Variants in MAD1L1 observed in about 807,000 individuals in gnomAD.
The protein encoded by MAD1L1 is mitotic arrest deficient 1 like 1.
A neutral mutation model predicts 96.9 loss-of-function variants in MAD1L1; 95 were observed. The ratio of observed to expected loss-of-function variants is 0.98; its 90% CI spans 0.83 to 1.16. The LOEUF is 1.16. MAD1L1 is among the 50% of genes most tolerant of loss of function. The pLI is 0.00. For missense variants in MAD1L1, 1,007 were observed against 954.4 expected, an observed-to-expected ratio of 1.06 and a Z score of -0.73; for synonymous variants, 473 against 396.6, an observed-to-expected ratio of 1.19 and a Z score of -2.29.
chr7:1,983,390 G>GC (rs1194354617), intron 14 of MAD1L1, among the ~76,000 whole-genome samples: 1 of 152,202 alleles, frequency 6.6e-6, no homozygotes, highest in African/African-American at 2.4e-5. Context: ...AGCAGCCATG[G>GC]CAATTTTGGG....
chr7:1,934,687 G>A (rs559665062), intron 17 of MAD1L1, among the ~76,000 whole-genome samples: 4 of 148,016 alleles, frequency 2.7e-5, no homozygotes, highest in South Asian at 2.2e-4. Context: ...GGGCGAACCC[G>A]AGACAGGCAG....
At chr7:2,226,057 G>A (rs929511519) in intron 3 of MAD1L1, among the ~76,000 whole-genome samples, 1 of 152,100 alleles carries the variant, frequency 6.6e-6, no homozygotes, top group African/African-American at 2.4e-5. Context: ...AGTCAACCAC[G>A]TCCAATCTCC....
intron 12 of MAD1L1, among the ~76,000 whole-genome samples, chr7:2,037,153 G>A (rs757913341): frequency 1.3e-5 from 2 of 151,556 alleles, no homozygotes; most frequent in Non-Finnish European, 2.9e-5. Flanking sequence ...CGGTTCCAGT[G>A]CCTTCTGCCA....
chr7:2,067,438 C>T (rs536763259), intron 12 of MAD1L1, among the ~76,000 whole-genome samples: 10 of 152,282 alleles, frequency 6.6e-5, no homozygotes, highest in African/African-American at 2.4e-4. Flanking sequence ...TCTGAGCTTC[C>T]AGCATCACGG....
At chr7:1,923,105 GTT>G (rs922116310) in intron 17 of MAD1L1, among the ~76,000 whole-genome samples, 41 of 152,174 alleles carry the variant, frequency 2.7e-4, no homozygotes, top group African/African-American at 9.7e-4. Context: ...TTCTTTAAGT[GTT>G]TGGTAGAATT....
At chr7:1,993,524 T>C (rs1781436688) in intron 14 of MAD1L1, among the ~76,000 whole-genome samples, 1 of 152,242 alleles carries the variant, frequency 6.6e-6, no homozygotes, top group Admixed American at 6.5e-5. Context: ...ACTGTGGCAC[T>C]GGCCCAGATA....
At chr7:1,876,523 A>C (rs1718234122) in intron 18 of MAD1L1, among the ~76,000 whole-genome samples, 1 of 152,052 alleles carries the variant, frequency 6.6e-6, no homozygotes, top group Admixed American at 6.6e-5. Context: ...CAGCTAAATT[A>C]ATTACGATAC....
At chr7:2,062,159 T>TGTTGG (rs1383464434) in intron 12 of MAD1L1, among the ~76,000 whole-genome samples, 3 of 151,510 alleles carry the variant, frequency 2.0e-5, no homozygotes, top group Non-Finnish European at 4.4e-5. Flanking sequence ...AGAGAATGGC[T>TGTTGG]TGAACCCAAG....
At chr7:1,885,380 G>A (rs1019122450) in intron 18 of MAD1L1, among the ~76,000 whole-genome samples, 22 of 152,176 alleles carry the variant, frequency 1.4e-4, no homozygotes, top group East Asian at 9.6e-4. Context: ...AGAGAAAGAT[G>A]GAGAGGGCTT....
At position 2,222,691 on chromosome 7, in the gene MAD1L1, C is replaced by T. The variant is rs1317264733; in HGVS notation, c.355G>A (p.Gly119Arg). The stretch of plus-strand genomic sequence containing the variant: ...TGCTCCTGCATCTTCTCCTCCGCCC[C>T]GGCCTCCCGCTCCTGAAGCTGCCGG... ...RIRQLQEREA[G>R]AEEKMQEQLE... is the part of the protein sequence containing the mutation. Residue 119 changes from glycine (G) to arginine (R), a missense_variant, in exon 5 of 19, where the codon GGG becomes AGG. Physicochemically the swap from Gly to Arg is moderately radical, Grantham distance 125 (BLOSUM62 -2). Transcript: ENST00000265854. 5.6e-6 allele frequency: 9 copies of T among 1,611,990 alleles called. No individual in the cohort carries two copies. In the East Asian group the frequency reaches 1.1e-4, roughly 20 times the overall value.
chr7:1,817,990 C>T (rs1206305867), intron 18 of MAD1L1, among the ~76,000 whole-genome samples: 2 of 149,138 alleles, frequency 1.3e-5, no homozygotes, highest in African/African-American at 2.5e-5. Flanking sequence ...CCTCCCCCTG[C>T]CCTCCCCCTG....
At chr7:1,982,938 C>T (rs1780972698) in intron 14 of MAD1L1, among the ~76,000 whole-genome samples, 1 of 152,080 alleles carries the variant, frequency 6.6e-6, no homozygotes. Context: ...TCAAACGCCC[C>T]CATGAAGAGG....
At chr7:1,821,216 G>A (rs2128620456) in intron 18 of MAD1L1, among the ~76,000 whole-genome samples, 1 of 152,034 alleles carries the variant, frequency 6.6e-6, no homozygotes, top group Non-Finnish European at 1.5e-5. Flanking sequence ...TAACAAACTG[G>A]ATGGATTCCT....
intron 18 of MAD1L1, among the ~76,000 whole-genome samples, chr7:1,892,298 G>A (rs185121828): frequency 3.3e-5 from 5 of 152,100 alleles, no homozygotes; most frequent in Admixed American, 2.0e-4. Flanking sequence ...GGAAGTTCCC[G>A]CAAAGACAAC....
At chr7:1,918,840 T>C (rs901884849) in intron 17 of MAD1L1, among the ~76,000 whole-genome samples, 31 of 152,154 alleles carry the variant, frequency 2.0e-4, no homozygotes, top group African/African-American at 7.5e-4. Flanking sequence ...CCAGGGCGAC[T>C]GGTGCTGTGG....
At chr7:2,180,140 G>T (rs1313677631) in intron 10 of MAD1L1, among the ~76,000 whole-genome samples, 1 of 152,204 alleles carries the variant, frequency 6.6e-6, no homozygotes, top group Non-Finnish European at 1.5e-5. Context: ...CGCTGACACA[G>T]AAAAGCTAAG....
At chr7:2,046,152 G>A (rs898240523) in intron 12 of MAD1L1, among the ~76,000 whole-genome samples, 6 of 152,166 alleles carry the variant, frequency 3.9e-5, no homozygotes, top group African/African-American at 7.2e-5. Context: ...GGGTGGTGGC[G>A]CAGGCCCCAC....
intron 18 of MAD1L1, chr7:1,844,207 G>A (rs1451405641): frequency 1.3e-5 from 2 of 154,452 alleles, no homozygotes. Context: ...ACCTGACGAG[G>A]GTCAACACTT....
chr7:2,064,789 C>T (rs574491382), intron 12 of MAD1L1, among the ~76,000 whole-genome samples: 4,641 of 146,306 alleles, frequency 0.032, 152 homozygotes, highest in Admixed American at 0.09. Context: ...CGGCTTCTCC[C>T]AGGACGGAGG....
Sources: gnomAD v4.1 joint callset for allele counts (sites outside exome capture counted in the v4.1 genomes callset) on GRCh38, gnomAD v4.1.1 for gene constraint, MANE v1.5 for transcripts, NCBI Gene and HGNC (gene_info 2026-07-23, HGNC 2026-07-21) for gene names.